C11orf65: variants seen among roughly 807,000 people sequenced by gnomAD.
The protein encoded by C11orf65 is chromosome 11 open reading frame 65, also known as protein MFI.
Under a neutral mutation model 35.3 loss-of-function variants are expected in C11orf65, and 38 were observed. That is an observed-to-expected ratio of 1.08 (90% CI 0.83 to 1.41). The LOEUF (loss-of-function observed/expected upper bound fraction) is 1.41, where lower values mean the gene tolerates loss of function less well. C11orf65 is among the 40% of genes most tolerant of loss of function. The pLI, the probability that C11orf65 is intolerant of heterozygous loss-of-function variation, is 0.00. For missense variants in C11orf65, 370 were observed against 367.1 expected (o/e 1.01, Z -0.06); for synonymous variants, 105 against 114.4 (o/e 0.92, Z 0.53).
chr11:108,365,779 C>A, intron 2 of C11orf65: 2 of 442,514 alleles, frequency 4.5e-6, no homozygotes, highest in Non-Finnish European at 8.2e-6. Flanking sequence ...TTTGGGAGGC[C>A]GAGGTGAGCG....
intron 3 of C11orf65, among the ~76,000 whole-genome samples, chr11:108,416,657 G>A (rs1474711480): frequency 2.0e-5 from 3 of 152,064 alleles, no homozygotes; most frequent in Non-Finnish European, 2.9e-5. Context: ...CAGCCTGGGC[G>A]ACAGAAACTC....
At chr11:108,358,420 G>A (rs1207563597) in intron 2 of C11orf65, among the ~76,000 whole-genome samples, 13 of 148,502 alleles carry the variant, frequency 8.8e-5, no homozygotes, top group South Asian at 6.6e-4. Context: ...GCAGGCCAAC[G>A]TTCAGATTCA....
chr11:108,346,926 C>G (rs2088492772), intron 2 of C11orf65, among the ~76,000 whole-genome samples: 1 of 152,054 alleles, frequency 6.6e-6, no homozygotes, highest in Non-Finnish European at 1.5e-5. Flanking sequence ...TAAGTATGTT[C>G]AATAAAAATT....
At chr11:108,359,010 A>C (rs1352829839) in intron 2 of C11orf65, among the ~76,000 whole-genome samples, 12 of 151,518 alleles carry the variant, frequency 7.9e-5, no homozygotes, top group Non-Finnish European at 1.6e-4. Flanking sequence ...CAAATTGGAT[A>C]AAGAGTCAAG....
chr11:108,411,779 CTTTTTCT>C (rs1037947070), intron 3 of C11orf65, among the ~76,000 whole-genome samples: 5 of 150,734 alleles, frequency 3.3e-5, no homozygotes, highest in Admixed American at 1.3e-4. Context: ...CACTGATTTT[CTTTTTCT>C]TTTTTCTTTT....
chr11:108,330,456 C>A (rs774639787), downstream of C11orf65: 1 of 1,603,596 alleles, frequency 6.2e-7, no homozygotes, highest in East Asian at 2.2e-5. Flanking sequence ...CTACCCTGTG[C>A]TTGAAAAACT....
At chr11:108,311,118 C>G (rs1000563836) in intron 6 of C11orf65, among the ~76,000 whole-genome samples, 1 of 151,608 alleles carries the variant, frequency 6.6e-6, no homozygotes, top group African/African-American at 2.4e-5. Flanking sequence ...AGGCACACAC[C>G]ACTGCATCCA....
rs1175890979 is a variant in C11orf65, at chr11:108,387,148, C to CTTTTT, written c.732-1178_732-1174dup. On this transcript the variant is annotated intron_variant, in intron 7 of 8. Transcript: ENST00000393084. ...TGATTTTCTTTTCTTTTCTTTCTTT[C>CTTTTT]TTTTTTTTTTTTTTTTTTTTTTTGA... Among the ~76,000 whole-genome samples the CTTTTT allele has an allele frequency of 3.5e-3, 299 of 84,408 alleles. 3 individuals carry two copies. Among genetic ancestry groups the CTTTTT allele is most frequent in the Middle Eastern group, 0.019 (1 of 52 alleles). The allele number at this position is 84,408 out of a possible 152,430, so 55.4% of individuals were successfully genotyped here. A position where few individuals can be genotyped will look rare whatever the true frequency, so the allele number is the denominator to read the frequency against.
chr11:108,387,148 C>CTTTTTTTTTTTTTTTTTT (rs1175890979), intron 7 of C11orf65, among the ~76,000 whole-genome samples: 30 of 84,384 alleles, frequency 3.6e-4, no homozygotes, highest in South Asian at 4.9e-4. Context: ...TTCTTTCTTT[C>CTTTTTTTTTTTTTTTTTT]TTTTTTTTTT....
chr11:108,460,280 CATATT>C (rs1391363704), intron 2 of C11orf65, among the ~76,000 whole-genome samples: 1 of 152,094 alleles, frequency 6.6e-6, no homozygotes, highest in Non-Finnish European at 1.5e-5. Flanking sequence ...GAAACAGAGC[CATATT>C]ACTTCACTTA....
downstream of C11orf65, chr11:108,329,267 T>C: frequency 6.4e-7 from 1 of 1,567,504 alleles, no homozygotes; most frequent in East Asian, 2.3e-5. Flanking sequence ...GTGACAATTT[T>C]ATGTTCACCA....
chr11:108,358,800 A>G (rs2090353989), intron 2 of C11orf65, among the ~76,000 whole-genome samples: 1 of 149,846 alleles, frequency 6.7e-6, no homozygotes, highest in Admixed American at 6.7e-5. Flanking sequence ...AGGAAGCACT[A>G]AACATGGAAA....
chr11:108,408,016 T>C (rs1466867888), intron 3 of C11orf65, among the ~76,000 whole-genome samples: 2 of 147,402 alleles, frequency 1.4e-5, no homozygotes, highest in Non-Finnish European at 3.0e-5. Context: ...ATTATTATTA[T>C]TATTATTATT....
At chr11:108,434,136 A>C (rs1307014969) in intron 2 of C11orf65, among the ~76,000 whole-genome samples, 1 of 152,174 alleles carries the variant, frequency 6.6e-6, no homozygotes, top group Non-Finnish European at 1.5e-5. Context: ...ATTCCTTGGA[A>C]TCAGTCAGCC....
chr11:108,413,926 A>G (rs890932768), intron 3 of C11orf65, among the ~76,000 whole-genome samples: 1 of 152,152 alleles, frequency 6.6e-6, no homozygotes, highest in Admixed American at 6.5e-5. Flanking sequence ...CAGAGCTTAC[A>G]GGAAAATTTA....
chr11:108,333,865 T>A (rs201215468), intron 3 of C11orf65: 8 of 1,564,486 alleles, frequency 5.1e-6, no homozygotes, highest in Non-Finnish European at 7.0e-6. Context: ...GTCACTAAAA[T>A]CTCTTCATTT....
chr11:108,415,864 T>G (rs146918825), intron 3 of C11orf65, among the ~76,000 whole-genome samples: 1 of 151,940 alleles, frequency 6.6e-6, no homozygotes, highest in Non-Finnish European at 1.5e-5. Context: ...GACAAAAGAA[T>G]AGTCTTCAAC....
chr11:108,334,375 G>A lies in C11orf65; in HGVS notation c.299+845C>T, dbSNP rs4988131. ...ATATATCACAGTATTAAGTAATATA[G>A]TATGTATTATTATAATATTAAGCTG... On this transcript the variant is annotated intron_variant, in intron 3 of 3. Coordinates refer to the C11orf65 transcript ENST00000524755. Among the ~76,000 whole-genome samples the A allele has an allele frequency of 4.2e-3, 638 of 152,242 alleles. 6 individuals carry two copies. In the South Asian group the frequency reaches 0.046, roughly 11 times the overall value.
chr11:108,463,923 A>C (rs544463186), intron 1 of C11orf65, among the ~76,000 whole-genome samples: 2 of 130,688 alleles, frequency 1.5e-5, no homozygotes, highest in African/African-American at 3.0e-5. Context: ...AAGATTTGTT[A>C]ATTTTTTTTT....
Sources: gnomAD v4.1 joint callset for allele counts (sites outside exome capture counted in the v4.1 genomes callset) on GRCh38, gnomAD v4.1.1 for gene constraint, MANE v1.5 for transcripts, NCBI Gene and HGNC (gene_info 2026-07-23, HGNC 2026-07-21) for gene names.